SEC31B: variants seen among roughly 807,000 people sequenced by gnomAD.
SEC31B encodes the protein protein transport protein Sec31B.
SEC31B carries 113 observed loss-of-function variants against 135.0 expected under a neutral mutation model. That is an observed-to-expected ratio of 0.84 (90% CI 0.72 to 0.98). The LOEUF (loss-of-function observed/expected upper bound fraction) is 0.98, where lower values mean the gene tolerates loss of function less well. Ranked by LOEUF, SEC31B falls within the 50% of genes least tolerant of loss-of-function variation. The probability of loss-of-function intolerance (pLI) is 0.00; values close to 1 mark genes in which losing one functional copy is unlikely to be tolerated. For missense variants in SEC31B, 1,296 were observed against 1,421.1 expected, an observed-to-expected ratio of 0.91 and a Z score of 1.42; for synonymous variants, 508 against 549.4, an observed-to-expected ratio of 0.92 and a Z score of 1.05.
At position 100,487,803 on chromosome 10, in the gene SEC31B, G is replaced by A; in HGVS notation, c.3361-8C>T. 1 of 1,613,770 alleles carries A rather than the reference G, an allele frequency of 6.2e-7. No homozygotes were observed. The highest frequency in any genetic ancestry group is 8.5e-7 in the Non-Finnish European group (1 of 1,179,950). ...CACGACATGAGGTGAGAGCTGTGGA[G>A]GGAATGACCCTTAGGTTAGTGAGCC... On this transcript the variant is annotated splice_region_variant and splice_polypyrimidine_tract_variant and intron_variant, in intron 25 of 25. Coordinates refer to ENST00000370345, the MANE Select transcript of SEC31B (RefSeq NM_015490.4).
intron 18 of SEC31B, 103 bp from the exon 19 acceptor site, chr10:100,495,649 C>A: frequency 2.6e-6 from 3 of 1,162,720 alleles, no homozygotes. Context: ...GCTTGTCCAA[C>A]CTGTGTTATT....
chr10:100,506,265 A>G (rs1044654824), intron 8 of SEC31B, 56 bp downstream of exon 8: 1 of 1,614,036 alleles, frequency 6.2e-7, no homozygotes, highest in African/African-American at 1.3e-5. Context: ...GCTGCAGCTG[A>G]GATTCTTCTA....
chr10:100,499,295 C>T (rs775157019), intron 12 of SEC31B, 37 bp from the exon 13 acceptor site: 12 of 1,498,648 alleles, frequency 8.0e-6, no homozygotes, highest in South Asian at 3.5e-5. Context: ...CTCTTTCAAG[C>T]GTAAGATCAA....
intron 14 of SEC31B, 158 bp from the exon 15 acceptor site, chr10:100,498,365 T>G: frequency 1.3e-6 from 1 of 753,286 alleles, no homozygotes; most frequent in Non-Finnish European, 2.1e-6. Flanking sequence ...TAAAATGTAT[T>G]TTGGTGCCCA....
intron 19 of SEC31B, among the ~76,000 whole-genome samples, chr10:100,494,410 T>A (rs1265228328): frequency 6.6e-6 from 1 of 152,184 alleles, no homozygotes; most frequent in Admixed American, 6.5e-5. Flanking sequence ...ATGTCACTCT[T>A]CCTAAAACTG....
Position 100,489,312 on chromosome 10 carries a change from C to T in SEC31B, c.3111G>A (p.Gln1037=). Residue 1037 remains glutamine (Q), a synonymous_variant, in exon 23 of 26, where the codon CAG becomes CAA. Transcript: ENST00000370345. The part of the protein sequence containing the change: ...TPELQGILPS[Q]PPVSSVSHAP... ...CATGACTCACACTGGAGACAGGGGGCTGTGAGGGAAGAATCCCTTGTAGCT... is the reference window on the plus strand; with the variant it reads ...CATGACTCACACTGGAGACAGGGGGTTGTGAGGGAAGAATCCCTTGTAGCT... 6.2e-7 allele frequency: 1 copy of T among 1,613,672 alleles called. No individual in the cohort carries two copies. Among genetic ancestry groups the T allele is most frequent in the Non-Finnish European group, 8.5e-7 (1 of 1,179,870 alleles).
chr10:100,500,049 T>A, intron 11 of SEC31B: 1 of 456,416 alleles, frequency 2.2e-6, no homozygotes, highest in Non-Finnish European at 4.4e-6. Flanking sequence ...CTTTTAGAAT[T>A]GGTACAAGAG....
chr10:100,491,818 G>A (rs939377070), intron 19 of SEC31B, among the ~76,000 whole-genome samples: 1 of 152,264 alleles, frequency 6.6e-6, no homozygotes, highest in Admixed American at 6.5e-5. Flanking sequence ...TTTAGGTCAT[G>A]AGGGCTCTGC....
In SEC31B at chr10:100,487,659, A is replaced by G. The variant is rs1564646924; in HGVS notation, c.3497T>C (p.Ile1166Thr). 1 of 1,613,684 alleles carries G rather than the reference A, an allele frequency of 6.2e-7. No individual in the cohort carries two copies. Among genetic ancestry groups the G allele is most frequent in the Non-Finnish European group, 8.5e-7 (1 of 1,179,840 alleles). Residue 1166 changes from isoleucine to threonine, a missense_variant, in exon 26 of 26, where the codon ATC becomes ACC. By Grantham distance (89) the Ile-to-Thr change is moderately conservative. Coordinates refer to ENST00000370345, the MANE Select transcript of SEC31B (RefSeq NM_015490.4). ...AGCGATGATGAGGACAGCCTTCAGG[A>G]TAGGCATGAAGCTGGACACCTCGCT... ...SFSEVSSFMP[I>T]LKAVLIIAHK... is the part of the protein sequence containing the mutation.
chr10:100,509,312 G>C lies in SEC31B; in HGVS notation c.399+4C>G. 6.2e-7 allele frequency: 1 copy of C among 1,612,362 alleles called. No homozygotes were observed. Among genetic ancestry groups the C allele is most frequent in the Non-Finnish European group, 8.5e-7 (1 of 1,179,290 alleles). On this transcript the variant is annotated splice_donor_region_variant and intron_variant, in intron 4 of 25. Coordinates refer to ENST00000370345, the MANE Select transcript of SEC31B (RefSeq NM_015490.4). ...GCCATGTTTGACTAACTGAAATGTA[G>C]TACCTGGAAAGGATTCAAGTCGAGG...
At position 100,496,576 on chromosome 10, in the gene SEC31B, C is replaced by T. The variant is rs9420791; in HGVS notation, c.2137-145G>A. Reference sequence around the variant, plus strand: ...TAGGTGAAGGCAGCAGATGATGACACGTAAGAACTGTGACAGAGAAGGGCC... The same window carrying T: ...TAGGTGAAGGCAGCAGATGATGACATGTAAGAACTGTGACAGAGAAGGGCC... On this transcript the variant is annotated intron_variant, in intron 17 of 25. Transcript: ENST00000370345. 1,011 of 813,374 alleles carry T rather than the reference C, an allele frequency of 1.2e-3. 7 individuals carry two copies. In the African/African-American group the frequency reaches 0.016, roughly 13 times the overall value. 50.4% of individuals were successfully genotyped at this position (813,374 alleles called of 1,614,324 possible). A position where few individuals can be genotyped will look rare whatever the true frequency, so the allele number is the denominator to read the frequency against.
chr10:100,499,610 C>T lies in SEC31B; in HGVS notation c.1411-12G>A. Reference sequence around the variant, plus strand: ...TGCTCTAAGGTCACCTAAGAAACCACAGAACACAGAAAAGATTCCATTAAA... The same window carrying T: ...TGCTCTAAGGTCACCTAAGAAACCATAGAACACAGAAAAGATTCCATTAAA... On this transcript the variant is annotated splice_polypyrimidine_tract_variant and intron_variant, in intron 11 of 25. Coordinates refer to ENST00000370345, the MANE Select transcript of SEC31B (RefSeq NM_015490.4). 6.3e-7 allele frequency: 1 copy of T among 1,579,106 alleles called. No homozygotes were observed. The highest frequency in any genetic ancestry group is 1.1e-5 in the South Asian group (1 of 87,190).
chr10:100,489,373 G>A lies in SEC31B; in HGVS notation c.3050C>T (p.Ala1017Val), dbSNP rs780646433. Reference sequence around the variant, plus strand: ...GCTCATAACTGGAGCAGTAATTGGTGCTGGGGGCATAAATGTCTCTGGCAG... The same window carrying A: ...GCTCATAACTGGAGCAGTAATTGGTACTGGGGGCATAAATGTCTCTGGCAG... ...NKLPETFMPP[A>V]PITAPVMSLT... Residue 1017 changes from alanine to valine, a missense_variant, in exon 23 of 26, where the codon GCA (alanine) becomes GTA (valine). By Grantham distance (64) the Ala-to-Val change is moderately conservative. Transcript: ENST00000370345. 1 of 1,613,944 alleles carries A rather than the reference G, an allele frequency of 6.2e-7. No homozygotes were observed. The highest frequency in any genetic ancestry group is 1.7e-5 in the Admixed American group (1 of 59,984).
In SEC31B at chr10:100,516,220, C is replaced by T; in HGVS notation, c.80-1G>A. Reference sequence around the variant, plus strand: ...GAATCTAGCTGTTGGGCAGATGTTCCTAGGCACAAGAAAAGGCAGCATATG... The same window carrying T: ...GAATCTAGCTGTTGGGCAGATGTTCTTAGGCACAAGAAAAGGCAGCATATG... On this transcript the variant is annotated splice_acceptor_variant, in intron 2 of 25. Transcript: ENST00000370345. LOFTEE classifies it high-confidence loss of function. The T allele has an allele frequency of 6.2e-7, 1 of 1,612,936 alleles. No individual in the cohort carries two copies. Among genetic ancestry groups the T allele is most frequent in the East Asian group, 2.2e-5 (1 of 44,858 alleles).
Position 100,516,138 on chromosome 10 carries a change from G to C in SEC31B, c.161C>G (p.Ser54Cys). 6.2e-7 allele frequency: 1 copy of C among 1,614,120 alleles called. No individual in the cohort carries two copies. Among genetic ancestry groups the C allele is most frequent in the South Asian group, 1.1e-5 (1 of 91,068 alleles). The change falls in exon 3 of 26, where the codon TCT (serine) becomes TGT (cysteine). Residue 54 changes from serine to cysteine, a missense_variant. Ser to Cys is a moderately radical substitution (Grantham distance 112, BLOSUM62 -1). Transcript: ENST00000370345. ...GACTCCTCTGTGTTTCAAGTCCAGA[G>C]AAGGGTCCCTGAAATCAACCTCAAA... ...EIFEVDFRDP[S>C]LDLKHRGVLS...
chr10:100,488,083 G>T lies in SEC31B; in HGVS notation c.3304C>A (p.Leu1102Met). 1 of 1,614,066 alleles carries T rather than the reference G, an allele frequency of 6.2e-7. No individual in the cohort carries two copies. Residue 1102 changes from leucine to methionine, a missense_variant, in exon 25 of 26, where the codon CTG (leucine) becomes ATG (methionine). Transcript: ENST00000370345. ...TCCAGACGCTGGGCTGCCTCTTCCA[G>T]CTTCCTTTTTGTCTTCTGCAGGGAA... ...SATDLKTKRK[L>M]EEAAQRLEYL... is the part of the protein sequence containing the mutation.
At chr10:100,491,010 TGA>T (rs1851291703) in intron 19 of SEC31B, 127 bp from the exon 20 acceptor site, 2 of 563,682 alleles carry the variant, frequency 3.5e-6, no homozygotes, top group Admixed American at 8.1e-5. Flanking sequence ...TCAATAAAAT[TGA>T]TAAACATCTA....
At chr10:100,510,341 C>T (rs1851715729) in intron 3 of SEC31B, among the ~76,000 whole-genome samples, 1 of 152,234 alleles carries the variant, frequency 6.6e-6, no homozygotes, top group African/African-American at 2.4e-5. Context: ...GACCTGGAGA[C>T]AGAGGCATGA....
chr10:100,503,304 C>T (rs995052815), intron 10 of SEC31B, among the ~76,000 whole-genome samples: 1 of 152,104 alleles, frequency 6.6e-6, no homozygotes, highest in Non-Finnish European at 1.5e-5. Context: ...ATATTAAAAC[C>T]ACATGGAGAA....
Sources: gnomAD v4.1 joint callset for allele counts (sites outside exome capture counted in the v4.1 genomes callset) on GRCh38, gnomAD v4.1.1 for gene constraint, MANE v1.5 for transcripts, NCBI Gene and HGNC (gene_info 2026-07-23, HGNC 2026-07-21) for gene names.